The following RNASEH1 variants were observed in gnomAD, a reference collection of about 807,000 sequenced individuals.
The protein encoded by RNASEH1 is ribonuclease H1, also known as ribonuclease H type II.
Under a neutral mutation model 34.6 loss-of-function variants are expected in RNASEH1, and 27 were observed. The ratio of observed to expected loss-of-function variants is 0.78; its 90% CI spans 0.58 to 1.08. RNASEH1 has a LOEUF of 1.08. RNASEH1 is among the 50% of genes least tolerant of loss of function. RNASEH1 has a pLI of 0.00. For synonymous variants in RNASEH1, 162 were observed against 138.4 expected (o/e 1.17, Z -1.20); for missense variants, 349 against 373.6 (o/e 0.93, Z 0.54).
At chr2:3,550,612 C>T (rs961025886) in intron 3 of RNASEH1, 140 bp from the exon 4 acceptor site, 6 of 673,924 alleles carry the variant, frequency 8.9e-6, no homozygotes, top group Non-Finnish European at 1.3e-5. Context: ...TCTAGGAAAA[C>T]ATGCTCCATT....
At chr2:3,532,908 C>G in the RNASEH1 span, among the ~76,000 whole-genome samples, 41 of 152,222 alleles carry the variant, frequency 2.7e-4, no homozygotes, top group Non-Finnish European at 5.6e-4. Context: ...CATGGAGGCG[C>G]TCTCCCGCGC....
chr2:3,535,629 G>C, the RNASEH1 span, among the ~76,000 whole-genome samples: 3 of 152,074 alleles, frequency 2.0e-5, no homozygotes, highest in African/African-American at 7.3e-5. Flanking sequence ...GCAAGTGCAG[G>C]TGAGGTGTGG....
Position 3,558,158 on chromosome 2 carries a change from G to A in RNASEH1, c.103C>T (p.Arg35Cys), listed in dbSNP as rs765136969. 6.2e-7 allele frequency: 1 copy of A among 1,602,328 alleles called. No homozygotes were observed. Reference protein sequence around the residue: ...FGMFYAVRRGRKTGVFLTWNE... With the variant: ...FGMFYAVRRGCKTGVFLTWNE... Reference sequence around the variant, plus strand: ...CAGGTCAGAAAGACCCCGGTCTTGCGGCCCCTCCTCACGGCATAGAACATC... The same window carrying A: ...CAGGTCAGAAAGACCCCGGTCTTGCAGCCCCTCCTCACGGCATAGAACATC... The change falls in exon 1 of 8, where the codon CGC (arginine) becomes TGC (cysteine). Residue 35 changes from arginine to cysteine, a missense_variant. Transcript: ENST00000315212.
intron 2 of RNASEH1, 43 bp from the exon 3 acceptor site, chr2:3,552,351 T>C (rs777329215): frequency 3.8e-5 from 59 of 1,565,398 alleles, no homozygotes; most frequent in Middle Eastern, 1.7e-4. Context: ...ACAATGAACA[T>C]AACACGAAAT....
downstream of RNASEH1, among the ~76,000 whole-genome samples, chr2:3,538,540 T>C (rs1200926851): frequency 6.6e-6 from 1 of 152,172 alleles, no homozygotes; most frequent in Non-Finnish European, 1.5e-5. Context: ...GGCAGCCTGC[T>C]GTAACATGAA....
downstream of RNASEH1, among the ~76,000 whole-genome samples, chr2:3,538,771 C>T (rs1265212702): frequency 6.6e-6 from 1 of 152,202 alleles, no homozygotes; most frequent in Non-Finnish European, 1.5e-5. Context: ...GTGGATTAAA[C>T]ATCAAAGCAT....
chr2:3,542,803 C>T lies in RNASEH1; in HGVS notation c.*2982G>A, dbSNP rs1270363858. ...TCATATAGAGGAGGCTATGTAAAGG[C>T]CCCAGGACCCTGAATTTGTATTGGG... On this transcript the variant is annotated 3_prime_UTR_variant, in exon 8 of 8. Coordinates refer to ENST00000315212, the MANE Select transcript of RNASEH1 (RefSeq NM_002936.6). Among the ~76,000 whole-genome samples the T allele has an allele frequency of 1.3e-5, 2 of 152,098 alleles. No individual in the cohort carries two copies. The highest frequency in any genetic ancestry group is 3.8e-4 in the East Asian group (2 of 5,200).
At chr2:3,534,344 G>A in the RNASEH1 span, 1 of 152,356 alleles carries the variant, frequency 6.6e-6, no homozygotes, top group Non-Finnish European at 1.5e-5. Context: ...ACTGCTGGCT[G>A]CCACACACCC....
At position 3,545,807 on chromosome 2, in the gene RNASEH1, CCTT is replaced by C; in HGVS notation, c.836_838del (p.Glu279del). Reference sequence around the variant, plus strand: ...GGCTCAGTCTTCCGATTGTTTAGCTCCTTCTCTGGCTAATCTGTCAGCTTCTTC... The same window carrying C: ...GGCTCAGTCTTCCGATTGTTTAGCTCCTCTGGCTAATCTGTCAGCTTCTTC... On this transcript the variant is annotated inframe_deletion, in exon 8 of 8. Coordinates refer to ENST00000315212, the MANE Select transcript of RNASEH1 (RefSeq NM_002936.6). 1 of 1,613,696 alleles carries C rather than the reference CCTT, an allele frequency of 6.2e-7. No individual in the cohort carries two copies. The highest frequency in any genetic ancestry group is 8.5e-7 in the Non-Finnish European group (1 of 1,179,570).
chr2:3,542,367 G>A lies in RNASEH1; in HGVS notation c.*3418C>T, dbSNP rs1391690407. Among the ~76,000 whole-genome samples, 3 of 152,316 alleles carry A rather than the reference G, an allele frequency of 2.0e-5. No individual in the cohort carries two copies. Among genetic ancestry groups the A allele is most frequent in the Admixed American group, 6.5e-5 (1 of 15,304 alleles). On this transcript the variant is annotated 3_prime_UTR_variant, in exon 8 of 8. Transcript: ENST00000315212. ...AAGGAAAAACAGCATATGACTGTCA[G>A]GGGAAGAAAACAAGATTCATCAGGC...
In RNASEH1 at chr2:3,545,788, G is replaced by A; in HGVS notation, c.858C>T (p.Asp286=). The change falls in exon 8 of 8, where the codon GAC becomes GAT. Residue 286 remains aspartate, a synonymous_variant. Transcript: ENST00000315212. ...CCAAGGACTAAAGTCACATGGCTCA[G>A]TCTTCCGATTGTTTAGCTCCTTCTC... ...LAREGAKQSE[D] 6.2e-7 allele frequency: 1 copy of A among 1,610,582 alleles called. No homozygotes were observed. Among genetic ancestry groups the A allele is most frequent in the Non-Finnish European group, 8.5e-7 (1 of 1,176,756 alleles).
intron 7 of RNASEH1, 27 bp from the exon 8 acceptor site, chr2:3,545,898 T>C (rs776289916): frequency 4.0e-6 from 6 of 1,517,202 alleles, no homozygotes; most frequent in African/African-American, 1.4e-5. Flanking sequence ...TTTCCTTTTA[T>C]TTTTACTCAT....
chr2:3,541,384 T>C (rs1460446667), downstream of RNASEH1, among the ~76,000 whole-genome samples: 1 of 151,430 alleles, frequency 6.6e-6, no homozygotes, highest in Non-Finnish European at 1.5e-5. Flanking sequence ...AAGCATTCCA[T>C]TCCAAGGCAT....
chr2:3,558,038 G>T lies in RNASEH1; in HGVS notation c.128+95C>A, dbSNP rs1406077861. On this transcript the variant is annotated intron_variant, in intron 1 of 7. Transcript: ENST00000315212. ...CAGCCACAGCGCGCGGCACAGACTC[G>T]GACCGCCAGGCTCCCGCCGCCGGGG... is the stretch of plus-strand genomic sequence containing the variant. The T allele has an allele frequency of 2.0e-6, 3 of 1,479,808 alleles. No individual in the cohort carries two copies. The highest frequency in any genetic ancestry group is 1.4e-5 in the African/African-American group (1 of 69,938). 91.7% of individuals were successfully genotyped at this position (1,479,808 alleles called of 1,614,324 possible).
chr2:3,534,574 G>A, the RNASEH1 span, among the ~76,000 whole-genome samples: 35 of 152,274 alleles, frequency 2.3e-4, no homozygotes, highest in Non-Finnish European at 4.4e-4. Context: ...CGGTGCCCAA[G>A]GCAGAAGCGG....
At chr2:3,551,084 G>C (rs546071624) in intron 3 of RNASEH1, among the ~76,000 whole-genome samples, 1 of 152,376 alleles carries the variant, frequency 6.6e-6, no homozygotes, top group East Asian at 1.9e-4. Flanking sequence ...GGTGGGATCA[G>C]AGGTCAGGTT....
chr2:3,550,494 G>A (rs747183081), intron 3 of RNASEH1, 22 bp from the exon 4 acceptor site: 8 of 1,572,734 alleles, frequency 5.1e-6, no homozygotes, highest in African/African-American at 4.0e-5. Flanking sequence ...GGAAGTACAT[G>A]CTGCTGGGCT....
intron 7 of RNASEH1, among the ~76,000 whole-genome samples, chr2:3,547,727 T>A (rs1668891124): frequency 6.6e-6 from 1 of 152,150 alleles, no homozygotes; most frequent in Non-Finnish European, 1.5e-5. Flanking sequence ...GACCTCGTGA[T>A]CCACCCACCT....
At chr2:3,552,090 C>T (rs1659982989) in intron 3 of RNASEH1, 54 bp downstream of exon 3, 2 of 1,484,866 alleles carry the variant, frequency 1.3e-6, no homozygotes, top group Non-Finnish European at 1.8e-6. Flanking sequence ...ACCTTTTACA[C>T]ATAACATTTT....
Sources: allele counts gnomAD v4.1 joint callset (sites outside exome capture counted in the v4.1 genomes callset), GRCh38; gene constraint gnomAD v4.1.1; transcripts MANE v1.5; gene names NCBI Gene and HGNC (gene_info 2026-07-23, HGNC 2026-07-21).